The following COL25A1 variants were observed in gnomAD, a reference collection of about 807,000 sequenced individuals.
COL25A1 encodes collagen alpha-1(XXV) chain.
In COL25A1, 103 loss-of-function variants were observed where a neutral mutation model predicts 128.4. The observed-to-expected ratio is 0.80, with a 90% CI of 0.68 to 0.94. The LOEUF (loss-of-function observed/expected upper bound fraction) is 0.94, where lower values mean the gene tolerates loss of function less well. Ranked by LOEUF, COL25A1 falls within the 40% of genes least tolerant of loss-of-function variation. COL25A1 has a pLI of 0.00. For missense variants in COL25A1, 745 were observed against 840.0 expected (o/e 0.89, Z 1.40); for synonymous variants, 279 against 277.2 (o/e 1.01, Z -0.06).
At chr4:109,298,485 C>T in intron 3 of COL25A1, among the ~76,000 whole-genome samples, 1 of 152,132 alleles carries the variant, frequency 6.6e-6, no homozygotes, top group Admixed American at 6.5e-5. Context: ...TCTCACTCTG[C>T]CCTACAAACA....
At chr4:109,218,449 T>C (rs1369321921) in intron 3 of COL25A1, among the ~76,000 whole-genome samples, 3 of 142,936 alleles carry the variant, frequency 2.1e-5, no homozygotes, top group African/African-American at 5.0e-5. Flanking sequence ...TTTTAAACTC[T>C]ATCCAAACCC....
At chr4:109,029,274 T>C (rs1758610290) in intron 5 of COL25A1, among the ~76,000 whole-genome samples, 1 of 152,202 alleles carries the variant, frequency 6.6e-6, no homozygotes, top group Non-Finnish European at 1.5e-5. Context: ...TGAAATCTCA[T>C]GCCATCCCAC....
rs1182890901 is a variant in COL25A1, at chr4:108,889,188, A to G, written c.975+33T>C. On this transcript the variant is annotated intron_variant, in intron 18 of 37. Transcript: ENST00000399132. Reference sequence around the variant, plus strand: ...GTAGATATAAAATGGTGAATATGAGACAGTAGGAACACACTAGAGATAGAG... The same window carrying G: ...GTAGATATAAAATGGTGAATATGAGGCAGTAGGAACACACTAGAGATAGAG... 7 of 1,585,932 alleles carry G rather than the reference A, an allele frequency of 4.4e-6. No homozygotes were observed. In the South Asian group the frequency reaches 5.5e-5, roughly 13 times the overall value.
chr4:109,184,523 T>C (rs960821779), intron 3 of COL25A1, among the ~76,000 whole-genome samples: 5 of 152,154 alleles, frequency 3.3e-5, no homozygotes, highest in African/African-American at 4.8e-5. Flanking sequence ...TGGTACTTTC[T>C]AGACTATATT....
At chr4:108,930,769 T>C (rs534422646) in intron 11 of COL25A1, among the ~76,000 whole-genome samples, 1 of 152,320 alleles carries the variant, frequency 6.6e-6, no homozygotes, top group South Asian at 2.1e-4. Context: ...AATATATCTG[T>C]AAAGGTTGGG....
At chr4:109,117,950 A>G (rs1767759982) in intron 3 of COL25A1, among the ~76,000 whole-genome samples, 1 of 151,864 alleles carries the variant, frequency 6.6e-6, no homozygotes, top group African/African-American at 2.4e-5. Flanking sequence ...GTGCTAAAAA[A>G]GGAAGAAAAT....
intron 3 of COL25A1, among the ~76,000 whole-genome samples, chr4:109,264,512 A>G (rs970100181): frequency 6.6e-6 from 1 of 152,246 alleles, no homozygotes; most frequent in African/African-American, 2.4e-5. Flanking sequence ...ACTTGAGAAA[A>G]TCGGGAGGAA....
At chr4:109,024,004 G>A (rs777174690) in intron 5 of COL25A1, among the ~76,000 whole-genome samples, 1 of 152,158 alleles carries the variant, frequency 6.6e-6, no homozygotes. Flanking sequence ...TTCTGTGTAC[G>A]TTATTTCATG....
intron 19 of COL25A1, among the ~76,000 whole-genome samples, chr4:108,882,943 T>C (rs1450683246): frequency 2.0e-5 from 3 of 152,070 alleles, no homozygotes; most frequent in Non-Finnish European, 4.4e-5. Flanking sequence ...AATATATCTA[T>C]CCTAAAAATC....
chr4:109,163,051 A>G (rs1282324037), intron 3 of COL25A1, among the ~76,000 whole-genome samples: 1 of 151,456 alleles, frequency 6.6e-6, no homozygotes, highest in East Asian at 1.9e-4. Flanking sequence ...GGTAAAGTTC[A>G]CCTCCTTATG....
intron 3 of COL25A1, among the ~76,000 whole-genome samples, chr4:109,243,434 A>T (rs572204501): frequency 5.7e-4 from 86 of 150,684 alleles, no homozygotes; most frequent in Non-Finnish European, 7.3e-4. Context: ...CCTAAAAAAA[A>T]TTTTTTTTTT....
intron 35 of COL25A1, among the ~76,000 whole-genome samples, chr4:108,820,436 A>C (rs1731659209): frequency 6.6e-6 from 1 of 152,256 alleles, no homozygotes; most frequent in Non-Finnish European, 1.5e-5. Context: ...ACTCTCATTC[A>C]AAAATATTCA....
chr4:109,016,228 C>G (rs1233616587), intron 5 of COL25A1, among the ~76,000 whole-genome samples: 1 of 152,264 alleles, frequency 6.6e-6, no homozygotes, highest in Non-Finnish European at 1.5e-5. Context: ...CACTCACAAC[C>G]AAGCTGGGTG....
chr4:109,068,443 G>A (rs979845382), intron 3 of COL25A1, among the ~76,000 whole-genome samples: 1 of 152,048 alleles, frequency 6.6e-6, no homozygotes, highest in African/African-American at 2.4e-5. Flanking sequence ...CAGGGAAGAG[G>A]AGGGAGGTAG....
intron 3 of COL25A1, among the ~76,000 whole-genome samples, chr4:109,102,200 A>T (rs1248835625): frequency 6.6e-6 from 1 of 152,172 alleles, no homozygotes; most frequent in Non-Finnish European, 1.5e-5. Flanking sequence ...TTTACATGTA[A>T]AATATAATGT....
chr4:109,209,028 C>T (rs535673191), intron 3 of COL25A1, among the ~76,000 whole-genome samples: 4 of 152,040 alleles, frequency 2.6e-5, no homozygotes, highest in African/African-American at 9.7e-5. Flanking sequence ...ATATTTCTTC[C>T]ATTTACATGA....
chr4:109,268,868 C>T (rs976927251), intron 3 of COL25A1, among the ~76,000 whole-genome samples: 1 of 152,098 alleles, frequency 6.6e-6, no homozygotes, highest in Non-Finnish European at 1.5e-5. Context: ...TCCGGTAGCT[C>T]CCTCCGTCAT....
chr4:108,870,871 CA>C (rs1287036130), intron 19 of COL25A1, among the ~76,000 whole-genome samples: 1 of 151,818 alleles, frequency 6.6e-6, no homozygotes, highest in African/African-American at 2.4e-5. Context: ...ACACGGAAAC[CA>C]GAATTCTTGT....
intron 6 of COL25A1, among the ~76,000 whole-genome samples, chr4:108,987,213 C>G (rs550045402): frequency 6.6e-6 from 1 of 152,266 alleles, no homozygotes; most frequent in South Asian, 2.1e-4. Context: ...CAATTCTCCA[C>G]AAGGAGCCTC....
Sources: allele counts gnomAD v4.1 joint callset (sites outside exome capture counted in the v4.1 genomes callset), GRCh38; gene constraint gnomAD v4.1.1; transcripts MANE v1.5; gene names NCBI Gene and HGNC (gene_info 2026-07-23, HGNC 2026-07-21).